The following SELENOV variants were observed in gnomAD, a reference collection of about 807,000 sequenced individuals.
The protein encoded by SELENOV is selenoprotein V.
A neutral mutation model predicts 21.6 loss-of-function variants in SELENOV; 25 were observed. The observed-to-expected ratio is 1.16, with a 90% CI of 0.84 to 1.62. The LOEUF (loss-of-function observed/expected upper bound fraction) is 1.62, where lower values mean the gene tolerates loss of function less well. Among genes scored for constraint, SELENOV ranks in the 40% most tolerant of loss-of-function variants. The pLI, the probability that SELENOV is intolerant of heterozygous loss-of-function variation, is 0.00. For synonymous variants in SELENOV, 227 were observed against 216.9 expected, an observed-to-expected ratio of 1.05 and a Z score of -0.41; for missense variants, 472 against 459.0, an observed-to-expected ratio of 1.03 and a Z score of -0.26.
chr19:39,518,098 C>T (rs148434496), intron 1 of SELENOV, among the ~76,000 whole-genome samples: 6 of 150,930 alleles, frequency 4.0e-5, no homozygotes, highest in East Asian at 3.9e-4. Flanking sequence ...TGGTGAAACC[C>T]GGTCTCTACT....
In SELENOV at chr19:39,515,458, C is replaced by T; in HGVS notation, c.246C>T (p.Pro82=). The T allele has an allele frequency of 6.4e-7, 1 of 1,551,552 alleles. No homozygotes were observed. The highest frequency in any genetic ancestry group is 8.7e-7 in the Non-Finnish European group (1 of 1,146,964). ...CCACTCCCGCTCTGGCCCGGATCCCCCGTCTGGTTCCGCCTCCTGCTCCGG... is the reference window on the plus strand; with the variant it reads ...CCACTCCCGCTCTGGCCCGGATCCCTCGTCTGGTTCCGCCTCCTGCTCCGG... Residue 82 remains proline (P), a synonymous_variant, in exon 1 of 6, where the codon CCC becomes CCT. Coordinates refer to ENST00000335426, the Ensembl canonical transcript of SELENOV. The surrounding 1 kb of genome is among the most constrained non-coding windows in gnomAD (Gnocchi z 5.1).
chr19:39,518,303 AAGAG>A (rs901653025), intron 1 of SELENOV, among the ~76,000 whole-genome samples: 4 of 150,358 alleles, frequency 2.7e-5, no homozygotes, highest in Non-Finnish European at 5.9e-5. Context: ...ACAAAAAAAA[AAGAG>A]AGAGAGAGAG....
intron 1 of SELENOV, among the ~76,000 whole-genome samples, chr19:39,518,300 AAAAAG>A (rs1413502943): frequency 6.9e-6 from 1 of 144,238 alleles, no homozygotes; most frequent in African/African-American, 2.5e-5. Flanking sequence ...AAAACAAAAA[AAAAAG>A]AGAGAGAGAG....
intron 1 of SELENOV, among the ~76,000 whole-genome samples, chr19:39,518,001 G>C (rs1363703711): frequency 3.5e-5 from 3 of 85,972 alleles, no homozygotes; most frequent in Non-Finnish European, 7.5e-5. Context: ...AGCCCAGCGC[G>C]GTGGCTCACG....
chr19:39,519,211 G>GC, intron 5 of SELENOV, 41 bp downstream of exon 5: 1 of 1,409,124 alleles, frequency 7.1e-7, no homozygotes, highest in Non-Finnish European at 1.0e-6. Flanking sequence ...GAGGGGTGGA[G>GC]GCCGGGTAGG....
chr19:39,520,609 G>C (rs2079723420), exon 6 of SELENOV: 1 of 152,094 alleles, frequency 6.6e-6, no homozygotes, highest in Non-Finnish European at 1.5e-5. Context: ...AAACCTGTAA[G>C]ATCTATGTTC....
chr19:39,519,964 C>CAAAAAAAA (rs5828040), intron 5 of SELENOV, among the ~76,000 whole-genome samples, 182 bp from the exon 6 acceptor site: 1 of 76,928 alleles, frequency 1.3e-5, no homozygotes, highest in African/African-American at 5.3e-5. Context: ...GACTCTGTCT[C>CAAAAAAAA]AAAAAAAAAA....
chr19:39,515,717 C>T lies in SELENOV; in HGVS notation c.505C>T (p.Pro169Ser), dbSNP rs1176564649. The change falls in exon 1 of 6, where the codon CCT becomes TCT. Residue 169 changes from proline (P) to serine (S), a missense_variant. Coordinates refer to ENST00000335426, the Ensembl canonical transcript of SELENOV. The surrounding 1 kb of genome is among the most constrained non-coding windows in gnomAD (Gnocchi z 5.1). ...GCTGCCTTTGTTGCCCGAGGAGGAC[C>T]CTGAGCCGGCGCCGAGCCTGAAGCT... 5 of 1,549,386 alleles carry T rather than the reference C, an allele frequency of 3.2e-6. No individual in the cohort carries two copies.
At chr19:39,517,347 C>T (rs2144774352) in intron 1 of SELENOV, among the ~76,000 whole-genome samples, 1 of 152,246 alleles carries the variant, frequency 6.6e-6, no homozygotes, top group East Asian at 1.9e-4. Flanking sequence ...GTCCTATTGG[C>T]ATCAGGGACA....
rs1197453240 is a variant in SELENOV, at chr19:39,515,784, C to T, written c.572C>T (p.Pro191Leu). The change falls in exon 1 of 6, where the codon CCC (proline) becomes CTC (leucine). Residue 191 changes from proline (P) to leucine (L), a missense_variant. Physicochemically the swap from Pro to Leu is moderately conservative, Grantham distance 98 (BLOSUM62 -3). Coordinates refer to ENST00000335426, the Ensembl canonical transcript of SELENOV. The surrounding 1 kb of genome is among the most constrained non-coding windows in gnomAD (Gnocchi z 5.1). ...AGCGAGGCCGGGCCCGCCCCGGGGC[C>T]CCTTCCCACGCGCACCCCGCTGGCC... 3.9e-6 allele frequency: 6 copies of T among 1,549,424 alleles called. No homozygotes were observed. Among genetic ancestry groups the T allele is most frequent in the South Asian group, 2.4e-5 (2 of 83,986 alleles).
chr19:39,517,364 T>C (rs184647870), intron 1 of SELENOV, among the ~76,000 whole-genome samples: 22 of 152,198 alleles, frequency 1.4e-4, no homozygotes, highest in African/African-American at 5.3e-4. Flanking sequence ...GACACAGCAG[T>C]GAACAAGACC....
chr19:39,518,286 C>CAAAAAAAAA (rs780708032), intron 1 of SELENOV, among the ~76,000 whole-genome samples: 2 of 112,170 alleles, frequency 1.8e-5, no homozygotes, highest in Non-Finnish European at 3.6e-5. Flanking sequence ...AACAAAAAAA[C>CAAAAAAAAA]AAAAAAACAA....
chr19:39,517,900 G>A (rs905928814), intron 1 of SELENOV, among the ~76,000 whole-genome samples: 3 of 144,026 alleles, frequency 2.1e-5, no homozygotes, highest in Admixed American at 1.5e-4. Context: ...GGAGGTGGAA[G>A]GTTGCAGTGA....
chr19:39,515,254 G>C lies in SELENOV; in HGVS notation c.42G>C (p.Arg14=). ...GGACCCCAGCCCCCTCCTCGGCGCG[G>C]ACTTCAACCTCAGTCCGGGCTTCTA... The change falls in exon 1 of 6, where the codon CGG becomes CGC. Residue 14 remains arginine, a synonymous_variant. Transcript: ENST00000335426. This position sits in a 1 kb window ranked among gnomAD's most constrained non-coding sequence, Gnocchi z 5.1. 6.4e-7 allele frequency: 1 copy of C among 1,550,590 alleles called. No individual in the cohort carries two copies. The highest frequency in any genetic ancestry group is 8.7e-7 in the Non-Finnish European group (1 of 1,146,862).
chr19:39,518,920 C>T (rs2079713967), exon 4 of SELENOV: 1 of 1,613,690 alleles, frequency 6.2e-7, no homozygotes, highest in African/African-American at 1.3e-5. Flanking sequence ...ACAGAGCTGC[C>T]CAGGCTACAG....
intron 3 of SELENOV, 23 bp from the exon 4 acceptor site, chr19:39,518,880 C>T: frequency 6.2e-7 from 1 of 1,613,676 alleles, no homozygotes; most frequent in South Asian, 1.1e-5. Flanking sequence ...TTAGCCTCCC[C>T]TACGCTCACC....
At chr19:39,518,236 A>C (rs540769436) in intron 1 of SELENOV, among the ~76,000 whole-genome samples, 1 of 149,590 alleles carries the variant, frequency 6.7e-6, no homozygotes, top group East Asian at 2.0e-4. Context: ...GCGCCATTGC[A>C]CTCCAGCCTG....
chr19:39,515,232 C>T lies in SELENOV; in HGVS notation c.20C>T (p.Thr7Ile). ...GGCCCCATGAATAACCAGGCGCGGACCCCAGCCCCCTCCTCGGCGCGGACT... is the reference window on the plus strand; with the variant it reads ...GGCCCCATGAATAACCAGGCGCGGATCCCAGCCCCCTCCTCGGCGCGGACT... The change falls in exon 1 of 6, where the codon ACC becomes ATC. Residue 7 changes from threonine (T) to isoleucine (I), a missense_variant. Coordinates refer to ENST00000335426, the Ensembl canonical transcript of SELENOV. This position sits in a 1 kb window ranked among gnomAD's most constrained non-coding sequence, Gnocchi z 5.1. The T allele has an allele frequency of 1.3e-6, 2 of 1,549,422 alleles. No homozygotes were observed. Among genetic ancestry groups the T allele is most frequent in the South Asian group, 2.4e-5 (2 of 84,016 alleles).
intron 5 of SELENOV, 30 bp downstream of exon 5, chr19:39,519,200 G>A: frequency 6.7e-7 from 1 of 1,499,942 alleles, no homozygotes; most frequent in Non-Finnish European, 9.2e-7. Context: ...GGCTGCGGTG[G>A]GAGGGGTGGA....
Sources: gnomAD v4.1 joint callset for allele counts (sites outside exome capture counted in the v4.1 genomes callset) on GRCh38, gnomAD v4.1.1 for gene constraint, Gnocchi (gnomAD v3.1) non-coding constraint, MANE v1.5 for transcripts, NCBI Gene and HGNC (gene_info 2026-07-23, HGNC 2026-07-21) for gene names.